The following SIRPA variants were observed in gnomAD, a reference collection of about 807,000 sequenced individuals.
SIRPA encodes the protein signal regulatory protein alpha, also known as tyrosine-protein phosphatase non-receptor type substrate 1.
In SIRPA, 9 loss-of-function variants were observed where a neutral mutation model predicts 50.3. The ratio of observed to expected loss-of-function variants is 0.18; its 90% CI spans 0.11 to 0.31. The LOEUF (loss-of-function observed/expected upper bound fraction) is 0.31, where lower values mean the gene tolerates loss of function less well. SIRPA is among the 10% of genes least tolerant of loss of function. The probability of loss-of-function intolerance (pLI) is 1.00; values close to 1 mark genes in which losing one functional copy is unlikely to be tolerated. For synonymous variants in SIRPA, 265 were observed against 284.1 expected, an observed-to-expected ratio of 0.93 and a Z score of 0.68; for missense variants, 474 against 661.6, an observed-to-expected ratio of 0.72 and a Z score of 3.11.
intron 2 of SIRPA, among the ~76,000 whole-genome samples, chr20:1,918,589 A>G (rs1441959804): frequency 6.6e-6 from 1 of 151,938 alleles, no homozygotes; most frequent in African/African-American, 2.4e-5. Context: ...CCATGCGTAG[A>G]ACGTCGATAA....
In SIRPA at chr20:1,901,150, C is replaced by CCTTA. The variant is rs369662874; in HGVS notation, c.79+5627_79+5628insACTT. On this transcript the variant is annotated intron_variant, in intron 1 of 7. Coordinates refer to ENST00000358771, the MANE Select transcript of SIRPA (RefSeq NM_001040023.2). ...CTCATTTTTGTTTTTGTTTTTTCTT[C>CCTTA]CTTTCTTTCTTTCTTTTTTTTTTTT... 3.1e-4 allele frequency among the ~76,000 whole-genome samples: 46 copies of CCTTA among 146,906 alleles called. 1 individual carries two copies. The highest frequency in any genetic ancestry group is 1.1e-3 in the African/African-American group (43 of 40,062).
chr20:1,918,359 G>A (rs1568503985), intron 2 of SIRPA, among the ~76,000 whole-genome samples: 1 of 109,380 alleles, frequency 9.1e-6, no homozygotes, highest in East Asian at 2.6e-4. Flanking sequence ...CACCACACCA[G>A]CTTTTTTTTT....
At chr20:1,926,315 C>T (rs1204708616) in intron 5 of SIRPA, among the ~76,000 whole-genome samples, 4 of 152,254 alleles carry the variant, frequency 2.6e-5, no homozygotes, top group Non-Finnish European at 5.9e-5. Context: ...AAGCAGGTCC[C>T]TTCCCCACCA....
At chr20:1,926,890 T>C (rs1178192183) in intron 5 of SIRPA, among the ~76,000 whole-genome samples, 1 of 152,156 alleles carries the variant, frequency 6.6e-6, no homozygotes, top group Non-Finnish European at 1.5e-5. Context: ...CACAGTGAAA[T>C]GTCCTGATTT....
chr20:1,912,062 CTAAT>C (rs1379596444), intron 1 of SIRPA, among the ~76,000 whole-genome samples: 4 of 152,120 alleles, frequency 2.6e-5, no homozygotes, highest in African/African-American at 4.8e-5. Context: ...TAAACACTAG[CTAAT>C]TAATTAAGCC....
At position 1,924,211 on chromosome 20, in the gene SIRPA, A is replaced by G. The variant is rs904097894; in HGVS notation, c.1088-553A>G. Among the ~76,000 whole-genome samples the G allele has an allele frequency of 3.0e-4, 46 of 152,158 alleles. No individual in the cohort carries two copies. The highest frequency in any genetic ancestry group is 1.1e-3 in the African/African-American group (46 of 41,434). ...CTGATGAACCACTGTGTTCTAGTCT[A>G]TGACCCCCTTACCTGTGCTGTGGGC... On this transcript the variant is annotated intron_variant, in intron 4 of 7. Transcript: ENST00000358771. The surrounding 1 kb of genome is among the most constrained non-coding windows in gnomAD (Gnocchi z 4.5).
intron 7 of SIRPA, among the ~76,000 whole-genome samples, chr20:1,935,556 C>T (rs147282332): frequency 1.0e-4 from 16 of 152,400 alleles, no homozygotes; most frequent in African/African-American, 3.4e-4. Flanking sequence ...GGGGTCCCCC[C>T]GCAGCCCCGG....
At chr20:1,935,991 T>C (rs1986555097) in intron 7 of SIRPA, among the ~76,000 whole-genome samples, 1 of 152,136 alleles carries the variant, frequency 6.6e-6, no homozygotes. Context: ...TTGTCCACTT[T>C]ATTGAACCTC....
intron 2 of SIRPA, among the ~76,000 whole-genome samples, chr20:1,918,057 T>C (rs1314520891): frequency 6.6e-6 from 1 of 152,204 alleles, no homozygotes; most frequent in Non-Finnish European, 1.5e-5. Flanking sequence ...GCCTTCGCTT[T>C]TCTCAGCCTC....
chr20:1,904,116 T>TC (rs921023288), intron 1 of SIRPA, among the ~76,000 whole-genome samples: 16 of 151,120 alleles, frequency 1.1e-4, no homozygotes, highest in Non-Finnish European at 8.8e-5. Context: ...ACTACCACAG[T>TC]CCCCCCCCTG....
intron 1 of SIRPA, among the ~76,000 whole-genome samples, chr20:1,902,980 C>T (rs920128771): frequency 6.1e-5 from 9 of 148,666 alleles, no homozygotes; most frequent in Non-Finnish European, 1.2e-4. Context: ...CCACTGCACT[C>T]CCGCCTGGGT....
Position 1,927,552 on chromosome 20 carries a change from C to T in SIRPA, c.1202-323C>T, listed in dbSNP as rs1426771659. On this transcript the variant is annotated intron_variant, in intron 5 of 7. Coordinates refer to ENST00000358771, the MANE Select transcript of SIRPA (RefSeq NM_001040023.2). This position sits in a 1 kb window ranked among gnomAD's most constrained non-coding sequence, Gnocchi z 6.5. ...TTGGGACCTAGGCTTGTTGGAGGGT[C>T]TCCGCTGAGGTTTGTGGTTGAATGG... Among the ~76,000 whole-genome samples, 1 of 152,186 alleles carries T rather than the reference C, an allele frequency of 6.6e-6. No homozygotes were observed. The highest frequency in any genetic ancestry group is 1.5e-5 in the Non-Finnish European group (1 of 68,034).
At chr20:1,922,234 T>A in intron 3 of SIRPA, 79 bp from the exon 4 acceptor site, 1 of 1,572,294 alleles carries the variant, frequency 6.4e-7, no homozygotes. Flanking sequence ...CTCACCGTGG[T>A]GGGGGAGCTA....
chr20:1,896,247 C>T (rs982085085), intron 1 of SIRPA, among the ~76,000 whole-genome samples: 2 of 152,236 alleles, frequency 1.3e-5, no homozygotes, highest in African/African-American at 4.8e-5. Context: ...CAGGCAGCTC[C>T]CTGCAGTTCA....
rs1986066574 is a variant in SIRPA, at chr20:1,927,746, G to A, written c.1202-129G>A. On this transcript the variant is annotated intron_variant, in intron 5 of 7. Transcript: ENST00000358771. This position sits in a 1 kb window ranked among gnomAD's most constrained non-coding sequence, Gnocchi z 6.5. ...CTGGGTGGGCATGGGGGTCTCCTGTGGTTCCAAGGATGTGATTACAGCATT... is the reference window on the plus strand; with the variant it reads ...CTGGGTGGGCATGGGGGTCTCCTGTAGTTCCAAGGATGTGATTACAGCATT... The A allele has an allele frequency of 6.0e-6, 5 of 826,914 alleles. No homozygotes were observed. Among genetic ancestry groups the A allele is most frequent in the Non-Finnish European group, 1.1e-5 (5 of 473,252 alleles). 51.2% of individuals were successfully genotyped at this position (826,914 alleles called of 1,614,324 possible).
At position 1,909,010 on chromosome 20, in the gene SIRPA, A is replaced by C. The variant is rs189309260; in HGVS notation, c.80-6089A>C. Among the ~76,000 whole-genome samples the C allele has an allele frequency of 1.4e-3, 216 of 152,324 alleles. 3 individuals carry two copies. Among genetic ancestry groups the C allele is most frequent in the Middle Eastern group, 6.8e-3 (2 of 294 alleles). Reference sequence around the variant, plus strand: ...CACACAGCATTAAATCACACCCAGAAGATAGTAGAGGCAGCCCCCGATGAG... The same window carrying C: ...CACACAGCATTAAATCACACCCAGACGATAGTAGAGGCAGCCCCCGATGAG... On this transcript the variant is annotated intron_variant, in intron 1 of 7. Transcript: ENST00000358771.
intron 1 of SIRPA, among the ~76,000 whole-genome samples, chr20:1,908,752 C>T (rs747260917): frequency 3.9e-5 from 6 of 152,174 alleles, no homozygotes; most frequent in African/African-American, 7.2e-5. Context: ...TGTGTGCATC[C>T]GCTTTAATGT....
intron 1 of SIRPA, among the ~76,000 whole-genome samples, chr20:1,913,095 A>G (rs896107229): frequency 2.0e-5 from 3 of 152,230 alleles, no homozygotes; most frequent in African/African-American, 4.8e-5. Flanking sequence ...TCAAATGGAA[A>G]TGAAATGAGA....
At position 1,928,687 on chromosome 20, in the gene SIRPA, A is replaced by C. The variant is rs1003002642; in HGVS notation, c.1226+788A>C. ...GGACTGCCTCTGAAAAGGGGATGCA[A>C]ACGGGTGCCTGAAACTAGTGAGCTA... On this transcript the variant is annotated intron_variant, in intron 6 of 7. Transcript: ENST00000358771. The surrounding 1 kb of genome is among the most constrained non-coding windows in gnomAD (Gnocchi z 4.9). 6.6e-6 allele frequency among the ~76,000 whole-genome samples: 1 copy of C among 152,080 alleles called. No homozygotes were observed. The highest frequency in any genetic ancestry group is 1.5e-5 in the Non-Finnish European group (1 of 68,016).
Sources: allele counts gnomAD v4.1 joint callset (sites outside exome capture counted in the v4.1 genomes callset), GRCh38; gene constraint gnomAD v4.1.1; non-coding constraint Gnocchi (gnomAD v3.1); transcripts MANE v1.5; gene names NCBI Gene and HGNC (gene_info 2026-07-23, HGNC 2026-07-21).